Variants in GALNT2 observed in about 807,000 individuals in gnomAD.
GALNT2 encodes UDP-GalNAc:polypeptide N-acetylgalactosaminyltransferase 2.
A neutral mutation model predicts 81.4 loss-of-function variants in GALNT2; 31 were observed. The observed-to-expected ratio is 0.38, with a 90% confidence interval of 0.29 to 0.51. The LOEUF is 0.51. Among genes scored for constraint, GALNT2 ranks in the 20% least tolerant of loss-of-function variants. The probability of loss-of-function intolerance (pLI) is 0.87; values close to 1 mark genes in which losing one functional copy is unlikely to be tolerated. For missense variants in GALNT2, 629 were observed against 765.7 expected (o/e 0.82, Z 2.11); for synonymous variants, 303 against 287.4 (o/e 1.05, Z -0.55).
intron 6 of GALNT2, 59 bp downstream of exon 6, chr1:230,236,784 C>A: frequency 1.3e-6 from 2 of 1,513,102 alleles, no homozygotes; most frequent in Non-Finnish European, 1.8e-6. Flanking sequence ...CCTGTAATAA[C>A]ATAAAGAAGT....
At position 230,145,670 on chromosome 1, in the gene GALNT2, A is replaced by G. The variant is rs557450705; in HGVS notation, c.127-32548A>G. ...AGCCACCCACCTTGGCATAGTGCCAATGGGGGCCTTGCCCCGTGTGGTGCC... is the reference window on the plus strand; with the variant it reads ...AGCCACCCACCTTGGCATAGTGCCAGTGGGGGCCTTGCCCCGTGTGGTGCC... On this transcript the variant is annotated intron_variant, in intron 1 of 15. Coordinates refer to ENST00000366672, the MANE Select transcript of GALNT2 (RefSeq NM_004481.5). Among the ~76,000 whole-genome samples, 6 of 152,324 alleles carry G rather than the reference A, an allele frequency of 3.9e-5. No homozygotes were observed. In the South Asian group the frequency reaches 8.3e-4, roughly 21 times the overall value.
At chr1:230,270,332 C>T (rs577471807) in intron 14 of GALNT2, among the ~76,000 whole-genome samples, 1 of 152,322 alleles carries the variant, frequency 6.6e-6, no homozygotes, top group Admixed American at 6.5e-5. Flanking sequence ...ACACCCTCAG[C>T]TTGGGAGCAC....
chr1:230,137,944 T>C (rs925080570), intron 1 of GALNT2, among the ~76,000 whole-genome samples: 2 of 152,218 alleles, frequency 1.3e-5, no homozygotes, highest in Non-Finnish European at 2.9e-5. Flanking sequence ...TTAGTTTTGA[T>C]TTGTTTTACA....
Position 230,250,537 on chromosome 1 carries a change from A to T in GALNT2, c.986A>T (p.Asp329Val), listed in dbSNP as rs1222006987. The change falls in exon 10 of 16, where the codon GAT becomes GTT. Residue 329 changes from aspartate (D) to valine (V), a missense_variant. Physicochemically the swap from Asp to Val is radical, Grantham distance 152. Transcript: ENST00000366672. Reference sequence around the variant, plus strand: ...CTGGGGAAGTACGACATGATGATGGATGTGTGGGGAGGAGAGAACCTAGGT... The same window carrying T: ...CTGGGGAAGTACGACATGATGATGGTTGTGTGGGGAGGAGAGAACCTAGGT... Reference protein sequence around the residue: ...EELGKYDMMMDVWGGENLEIS... With the variant: ...EELGKYDMMMVVWGGENLEIS... 9.3e-6 allele frequency: 15 copies of T among 1,612,870 alleles called. No individual in the cohort carries two copies. Among genetic ancestry groups the T allele is most frequent in the Non-Finnish European group, 1.3e-5 (15 of 1,179,454 alleles).
intron 13 of GALNT2, chr1:230,264,510 T>G (rs571608902): frequency 6.6e-6 from 1 of 152,530 alleles, no homozygotes; most frequent in South Asian, 2.1e-4. Flanking sequence ...CTGGCAAATC[T>G]GCTTCCCCTG....
intron 1 of GALNT2, among the ~76,000 whole-genome samples, chr1:230,132,820 TCCTTTTG>T (rs1432036015): frequency 6.6e-6 from 1 of 152,246 alleles, no homozygotes; most frequent in Non-Finnish European, 1.5e-5. Flanking sequence ...TGTGCTGTGT[TCCTTTTG>T]CCCTGGAATT....
chr1:230,266,561 G>A (rs1169619659), intron 14 of GALNT2, among the ~76,000 whole-genome samples: 1 of 152,252 alleles, frequency 6.6e-6, no homozygotes, highest in African/African-American at 2.4e-5. Flanking sequence ...TCCCAAGTGA[G>A]TGTCCAGGCA....
intron 3 of GALNT2, among the ~76,000 whole-genome samples, chr1:230,203,815 C>G (rs1253164169): frequency 1.3e-5 from 2 of 152,210 alleles, no homozygotes; most frequent in East Asian, 1.9e-4. Flanking sequence ...AGGAAGGGCT[C>G]TTGTCCACAT....
rs1003390597 is a variant in GALNT2, at chr1:230,155,619, G to A, written c.127-22599G>A. ...CAGGACTCTCCCAGGACAGTCCCATGGGCAGAGCTAGGTTTTGTGAGGACT... is the reference window on the plus strand; with the variant it reads ...CAGGACTCTCCCAGGACAGTCCCATAGGCAGAGCTAGGTTTTGTGAGGACT... On this transcript the variant is annotated intron_variant, in intron 1 of 15. Coordinates refer to ENST00000366672, the MANE Select transcript of GALNT2 (RefSeq NM_004481.5). 2.0e-5 allele frequency among the ~76,000 whole-genome samples: 3 copies of A among 152,228 alleles called. No homozygotes were observed. The East Asian group carries it at 5.8e-4, about 29-fold the overall frequency.
upstream of GALNT2, among the ~76,000 whole-genome samples, chr1:230,066,267 T>A (rs973964252): frequency 6.6e-6 from 1 of 152,270 alleles, no homozygotes; most frequent in Non-Finnish European, 1.5e-5. Flanking sequence ...AAGCTTTGCG[T>A]GTTGCAAGGG....
Position 230,158,484 on chromosome 1 carries a change from A to T in GALNT2, c.127-19734A>T, listed in dbSNP as rs151199149. Among the ~76,000 whole-genome samples the T allele has an allele frequency of 2.0e-5, 3 of 152,382 alleles. No homozygotes were observed. In the East Asian group the frequency reaches 5.8e-4, roughly 29 times the overall value. ...GGAGGCCTCCTGAGGCACTTTGCCA[A>T]ACTTTATGCACAGCAACTATGACCT... On this transcript the variant is annotated intron_variant, in intron 1 of 15. Coordinates refer to ENST00000366672, the MANE Select transcript of GALNT2 (RefSeq NM_004481.5).
chr1:230,172,031 A>AT (rs905742781), intron 1 of GALNT2, among the ~76,000 whole-genome samples: 8 of 152,056 alleles, frequency 5.3e-5, no homozygotes, highest in South Asian at 2.1e-4. Flanking sequence ...ATATTAACCA[A>AT]TTTTTTTTAT....
At chr1:230,200,265 T>C (rs1433186503) in intron 2 of GALNT2, among the ~76,000 whole-genome samples, 1 of 152,148 alleles carries the variant, frequency 6.6e-6, no homozygotes, top group Non-Finnish European at 1.5e-5. Flanking sequence ...GGTTTCACCA[T>C]GTTGGCCAGG....
At chr1:230,141,396 A>C (rs1008872957) in intron 1 of GALNT2, among the ~76,000 whole-genome samples, 1 of 152,144 alleles carries the variant, frequency 6.6e-6, no homozygotes, top group African/African-American at 2.4e-5. Context: ...GCATCCACAG[A>C]ACTCTTTCAT....
At chr1:230,121,238 G>T (rs1027272201) in intron 1 of GALNT2, among the ~76,000 whole-genome samples, 4 of 152,236 alleles carry the variant, frequency 2.6e-5, no homozygotes, top group African/African-American at 9.6e-5. Flanking sequence ...CCTGCTGTGT[G>T]CTGGCACATG....
chr1:230,145,750 G>A (rs1197874003), intron 1 of GALNT2, among the ~76,000 whole-genome samples: 1 of 152,192 alleles, frequency 6.6e-6, no homozygotes, highest in Non-Finnish European at 1.5e-5. Flanking sequence ...GGCCCAGAAC[G>A]TCACCTGTCT....
intron 11 of GALNT2, among the ~76,000 whole-genome samples, chr1:230,261,027 T>G (rs1344115970): frequency 6.6e-6 from 1 of 152,044 alleles, no homozygotes; most frequent in African/African-American, 2.4e-5. Context: ...ATGTTTTTAG[T>G]GGTCACAGAA....
intron 3 of GALNT2, among the ~76,000 whole-genome samples, chr1:230,210,426 A>C (rs1423928559): frequency 6.6e-6 from 1 of 152,176 alleles, no homozygotes; most frequent in Admixed American, 6.5e-5. Flanking sequence ...TCAAACGTTT[A>C]GTTATTAGAA....
intron 3 of GALNT2, among the ~76,000 whole-genome samples, chr1:230,205,510 C>A (rs1337086423): frequency 6.6e-6 from 1 of 152,094 alleles, no homozygotes; most frequent in Non-Finnish European, 1.5e-5. Flanking sequence ...CCATTAATTT[C>A]TTTTCTAAAG....
Sources: gnomAD v4.1 joint callset for allele counts (sites outside exome capture counted in the v4.1 genomes callset) on GRCh38, gnomAD v4.1.1 for gene constraint, MANE v1.5 for transcripts, NCBI Gene and HGNC (gene_info 2026-07-23, HGNC 2026-07-21) for gene names.